Variants in ACSBG1 observed in about 807,000 individuals in gnomAD.
ACSBG1 encodes acyl-CoA synthetase bubblegum family member 1.
A neutral mutation model predicts 80.2 loss-of-function variants in ACSBG1; 39 were observed. The observed-to-expected ratio is 0.49, with a 90% CI of 0.38 to 0.64. The LOEUF (loss-of-function observed/expected upper bound fraction) is 0.64. Ranked by LOEUF, ACSBG1 falls within the 30% of genes least tolerant of loss-of-function variation. ACSBG1 has a pLI of 0.00. For synonymous variants in ACSBG1, 392 were observed against 379.5 expected (o/e 1.03, Z -0.38); for missense variants, 828 against 966.4 (o/e 0.86, Z 1.90).
At chr15:78,218,749 G>A (rs944688456) in intron 1 of ACSBG1, among the ~76,000 whole-genome samples, 6 of 147,556 alleles carry the variant, frequency 4.1e-5, no homozygotes, top group African/African-American at 1.5e-4. Context: ...GTTTCAAATC[G>A]AGGCAATCTG....
chr15:78,197,629 G>T (rs1246299539), intron 2 of ACSBG1, among the ~76,000 whole-genome samples: 1 of 149,142 alleles, frequency 6.7e-6, no homozygotes, highest in Non-Finnish European at 1.5e-5. Flanking sequence ...TGAGGCATGA[G>T]AATTGCTTGA....
At chr15:78,193,682 T>TCCCCCCCCCCCCCCACTGGTGCC in intron 4 of ACSBG1, 56 bp from the exon 5 acceptor site, 1 of 1,560,278 alleles carries the variant, frequency 6.4e-7, no homozygotes, top group Non-Finnish European at 8.7e-7. Flanking sequence ...GCCACCCCCT[T>TCCCCCCCCCCCCCCACTGGTGCC]CCCCCACCCC....
chr15:78,222,420 T>C (rs1007171804), intron 1 of ACSBG1, among the ~76,000 whole-genome samples: 1 of 152,116 alleles, frequency 6.6e-6, no homozygotes, highest in Non-Finnish European at 1.5e-5. Flanking sequence ...TTCCAGCACT[T>C]TGGGAGGCTG....
chr15:78,193,623 G>A lies in ACSBG1; in HGVS notation c.546C>T (p.Gly182=), dbSNP rs566562550. 3.8e-5 allele frequency: 62 copies of A among 1,611,740 alleles called. 1 individual carries two copies. In the South Asian group the frequency reaches 6.6e-4, roughly 17 times the overall value. Residue 182 remains glycine, a synonymous_variant, in exon 5 of 14, where the codon GGC becomes GGT. Coordinates refer to ENST00000258873, the MANE Select transcript of ACSBG1 (RefSeq NM_015162.5). ...FSAVGTVFAG[G]IVTGIYTTSS... ...TGGTGGTGTAGATGCCAGTGACGAT[G>A]CCACTGTAGGAGACCCAGGAAGATT...
chr15:78,171,718 T>C, intron 13 of ACSBG1, 189 bp from the exon 14 acceptor site: 1 of 539,396 alleles, frequency 1.9e-6, no homozygotes, highest in East Asian at 3.2e-5. Flanking sequence ...TAGTCTCCTG[T>C]GTTATACCAC....
At chr15:78,217,991 T>C (rs950613721) in intron 1 of ACSBG1, among the ~76,000 whole-genome samples, 9 of 152,140 alleles carry the variant, frequency 5.9e-5, no homozygotes, top group Non-Finnish European at 1.0e-4. Flanking sequence ...GGAAGGGCAG[T>C]GCGATGCTCA....
chr15:78,172,993 C>A lies in ACSBG1; in HGVS notation c.2089+600G>T, dbSNP rs569281479. On this transcript the variant is annotated intron_variant, in intron 13 of 13. Transcript: ENST00000258873. The surrounding 1 kb of genome is among the most constrained non-coding windows in gnomAD (Gnocchi z 4.1). ...GGCCTGGTAGTTCCATTGTGATTTTCGGAGAAAACAGTCCCATAGTCAAGG... is the reference window on the plus strand; with the variant it reads ...GGCCTGGTAGTTCCATTGTGATTTTAGGAGAAAACAGTCCCATAGTCAAGG... 6.6e-6 allele frequency among the ~76,000 whole-genome samples: 1 copy of A among 152,200 alleles called. No homozygotes were observed. The highest frequency in any genetic ancestry group is 1.5e-5 in the Non-Finnish European group (1 of 68,034).
At chr15:78,186,053 CT>C (rs1567083415) in intron 5 of ACSBG1, among the ~76,000 whole-genome samples, 1 of 152,148 alleles carries the variant, frequency 6.6e-6, no homozygotes, top group Non-Finnish European at 1.5e-5. Flanking sequence ...TCAGGACTTG[CT>C]TTATGAATCT....
At chr15:78,192,003 G>T (rs1213301148) in intron 5 of ACSBG1, among the ~76,000 whole-genome samples, 1 of 152,144 alleles carries the variant, frequency 6.6e-6, no homozygotes, top group East Asian at 1.9e-4. Context: ...ATTAGGGTGG[G>T]CTTGGATCCA....
rs2074821815 is a variant in ACSBG1 at position 78,171,513 on chromosome 15, C to T, written c.2106G>A (p.Leu702=). 1.9e-6 allele frequency: 3 copies of T among 1,614,028 alleles called. No individual in the cohort carries two copies. Among genetic ancestry groups the T allele is most frequent in the Non-Finnish European group, 2.5e-6 (3 of 1,179,994 alleles). The change falls in exon 14 of 14, where the codon CTG becomes CTA. Residue 702 remains leucine, a synonymous_variant. Coordinates refer to ENST00000258873, the MANE Select transcript of ACSBG1 (RefSeq NM_015162.5). The part of the protein sequence containing the change: ...SGGELGPTMK[L]KRLTVLEKYK... ...ACTTCTCCAAAACTGTGAGCCGTTTCAGTTTCATCGTGGGACCTAAAAGGG... is the reference window on the plus strand; with the variant it reads ...ACTTCTCCAAAACTGTGAGCCGTTTTAGTTTCATCGTGGGACCTAAAAGGG...
intron 5 of ACSBG1, among the ~76,000 whole-genome samples, chr15:78,189,709 T>C (rs866745005): frequency 2.0e-4 from 31 of 151,856 alleles, no homozygotes; most frequent in African/African-American, 6.1e-4. Flanking sequence ...CTTTAGGAGA[T>C]AGACCTAATG....
chr15:78,223,582 C>T (rs529399997), intron 1 of ACSBG1, among the ~76,000 whole-genome samples: 1 of 152,192 alleles, frequency 6.6e-6, no homozygotes, highest in Non-Finnish European at 1.5e-5. Context: ...GTCACAGACA[C>T]TCAAATAGCT....
chr15:78,169,546 T>C lies in ACSBG1; in HGVS notation c.*1898A>G, dbSNP rs1319122827. On this transcript the variant is annotated 3_prime_UTR_variant, in exon 14 of 14. Transcript: ENST00000258873. ...GTATATTTCTAAATGATATGGAAAA[T>C]AGAGACAGATTTGTCCTTTACAGAA... 1.3e-4 allele frequency: 20 copies of C among 152,176 alleles called. No individual in the cohort carries two copies. Among genetic ancestry groups the C allele is most frequent in the Admixed American group, 1.3e-3 (20 of 15,274 alleles). 9.4% of individuals were successfully genotyped at this position (152,176 alleles called of 1,614,324 possible).
chr15:78,193,815 G>A (rs1567086470), intron 4 of ACSBG1, 117 bp downstream of exon 4: 2 of 1,444,228 alleles, frequency 1.4e-6, no homozygotes, highest in Non-Finnish European at 1.9e-6. Flanking sequence ...AAGGCCCCAG[G>A]GAGGAGGCAG....
intron 11 of ACSBG1, among the ~76,000 whole-genome samples, chr15:78,175,524 T>C (rs962154079): frequency 1.3e-5 from 2 of 151,872 alleles, no homozygotes; most frequent in African/African-American, 4.8e-5. Context: ...TGAACGGGAG[T>C]TGGCAGGCAG....
intron 1 of ACSBG1, among the ~76,000 whole-genome samples, chr15:78,229,512 G>C (rs2075429932): frequency 6.6e-6 from 1 of 152,172 alleles, no homozygotes. Flanking sequence ...TCTGTCAGTG[G>C]GAACAGCCTT....
chr15:78,186,293 G>A (rs2075003873), intron 5 of ACSBG1, among the ~76,000 whole-genome samples: 1 of 152,144 alleles, frequency 6.6e-6, no homozygotes, highest in Non-Finnish European at 1.5e-5. Context: ...AGGATACCCA[G>A]GAATTGAACT....
rs1204035620 is a variant in ACSBG1 at position 78,177,312 on chromosome 15, G to C, written c.1702+1302C>G. Among the ~76,000 whole-genome samples the C allele has an allele frequency of 1.3e-5, 2 of 152,192 alleles. No homozygotes were observed. Among genetic ancestry groups the C allele is most frequent in the Non-Finnish European group, 2.9e-5 (2 of 68,046 alleles). On this transcript the variant is annotated intron_variant, in intron 11 of 13. Transcript: ENST00000258873. This position sits in a 1 kb window ranked among gnomAD's most constrained non-coding sequence, Gnocchi z 4.1. ...GCGAATAGACCAAGGGAACAGAATA[G>C]AGTCCACACATAGACCTCTCATAGA...
chr15:78,229,074 CTT>C (rs3973561), intron 1 of ACSBG1, among the ~76,000 whole-genome samples: 42,551 of 146,804 alleles, frequency 0.29, 6,265 homozygotes, highest in East Asian at 0.54. Context: ...ATTATATTCC[CTT>C]TTTTTTTTTT....
Sources: gnomAD v4.1 joint callset for allele counts (sites outside exome capture counted in the v4.1 genomes callset) on GRCh38, gnomAD v4.1.1 for gene constraint, Gnocchi (gnomAD v3.1) non-coding constraint, MANE v1.5 for transcripts, NCBI Gene and HGNC (gene_info 2026-07-23, HGNC 2026-07-21) for gene names.